CABCOCO1: variants seen among roughly 807,000 people sequenced by gnomAD.
CABCOCO1 encodes the protein ciliary-associated calcium-binding coiled-coil protein 1.
A neutral mutation model predicts 35.7 loss-of-function variants in CABCOCO1; 28 were observed. The observed-to-expected ratio is 0.78, with a 90% CI of 0.58 to 1.07. The LOEUF (loss-of-function observed/expected upper bound fraction) is 1.07. Ranked by LOEUF, CABCOCO1 falls within the 50% of genes least tolerant of loss-of-function variation. The probability of loss-of-function intolerance (pLI) is 0.00; values close to 1 mark genes in which losing one functional copy is unlikely to be tolerated. For synonymous variants in CABCOCO1, 95 were observed against 100.1 expected, an observed-to-expected ratio of 0.95 and a Z score of 0.30; for missense variants, 326 against 309.2, an observed-to-expected ratio of 1.05 and a Z score of -0.41.
At chr10:61,669,710 G>C (rs1206884844) in intron 1 of CABCOCO1, among the ~76,000 whole-genome samples, 5 of 151,994 alleles carry the variant, frequency 3.3e-5, no homozygotes, top group East Asian at 3.8e-4. Flanking sequence ...CTAATATTAG[G>C]CATCTTAGCT....
chr10:61,749,454 T>C (rs1318358440), intron 5 of CABCOCO1, among the ~76,000 whole-genome samples: 1 of 152,258 alleles, frequency 6.6e-6, no homozygotes, highest in Non-Finnish European at 1.5e-5. Flanking sequence ...CAATGCTTTT[T>C]ATATCTTGCC....
At chr10:61,744,898 T>C (rs1841624115) in intron 5 of CABCOCO1, among the ~76,000 whole-genome samples, 1 of 152,200 alleles carries the variant, frequency 6.6e-6, no homozygotes, top group Admixed American at 6.6e-5. Flanking sequence ...GTGAAATGTA[T>C]GAGTTCGTTT....
At chr10:61,679,735 C>T (rs1043398841) in intron 2 of CABCOCO1, among the ~76,000 whole-genome samples, 6 of 151,894 alleles carry the variant, frequency 4.0e-5, no homozygotes, top group African/African-American at 1.5e-4. Context: ...AGGAGAGGAA[C>T]AGGAAAGAGA....
chr10:61,747,248 A>C (rs533068599), intron 5 of CABCOCO1, among the ~76,000 whole-genome samples: 1 of 152,270 alleles, frequency 6.6e-6, no homozygotes, highest in African/African-American at 2.4e-5. Context: ...TAGATAAAGA[A>C]TTGGTGTGGT....
chr10:61,675,560 A>G (rs977496329), intron 2 of CABCOCO1, among the ~76,000 whole-genome samples: 3 of 152,260 alleles, frequency 2.0e-5, no homozygotes, highest in Non-Finnish European at 2.9e-5. Flanking sequence ...AAAAATAAAA[A>G]GCAAAGAACA....
At chr10:61,679,866 A>G (rs574898331) in intron 2 of CABCOCO1, among the ~76,000 whole-genome samples, 8 of 152,268 alleles carry the variant, frequency 5.3e-5, no homozygotes, top group Admixed American at 1.3e-4. Context: ...ACAGAGATAT[A>G]AAAGCTCAAG....
chr10:61,664,380 G>C (rs1367467232), intron 1 of CABCOCO1, among the ~76,000 whole-genome samples: 1 of 152,018 alleles, frequency 6.6e-6, no homozygotes, highest in African/African-American at 2.4e-5. Context: ...TGATCATTTG[G>C]GGGTTTTAAT....
At chr10:61,690,793 G>A (rs1840115253) in intron 5 of CABCOCO1, among the ~76,000 whole-genome samples, 172 bp downstream of exon 5, 1 of 152,034 alleles carries the variant, frequency 6.6e-6, no homozygotes, top group Admixed American at 6.6e-5. Context: ...CGTTGCATTA[G>A]GAAAATAAGT....
At chr10:61,682,909 C>T (rs1262954612) in intron 3 of CABCOCO1, among the ~76,000 whole-genome samples, 1 of 20,750 alleles carries the variant, frequency 4.8e-5, no homozygotes, top group African/African-American at 1.2e-4. Flanking sequence ...TTTTTTAAGA[C>T]AGATTGTCAC....
intron 5 of CABCOCO1, among the ~76,000 whole-genome samples, chr10:61,725,201 C>T (rs990520368): frequency 1.3e-5 from 2 of 152,138 alleles, no homozygotes; most frequent in African/African-American, 4.8e-5. Context: ...GACAGTGTGG[C>T]AATTCCTCAA....
intron 3 of CABCOCO1, among the ~76,000 whole-genome samples, chr10:61,684,647 A>G (rs3750727): frequency 0.24 from 36,168 of 151,920 alleles, 4,538 homozygotes; most frequent in African/African-American, 0.31. Flanking sequence ...CAGGCCCCCC[A>G]CTGACATTCA....
chr10:61,722,783 C>T (rs1436163815), intron 5 of CABCOCO1, among the ~76,000 whole-genome samples: 1 of 151,650 alleles, frequency 6.6e-6, no homozygotes, highest in African/African-American at 2.4e-5. Flanking sequence ...GCAGCAATGG[C>T]CATAGATCAC....
chr10:61,666,982 T>C (rs976576521), intron 1 of CABCOCO1, among the ~76,000 whole-genome samples: 2 of 142,216 alleles, frequency 1.4e-5, no homozygotes, highest in African/African-American at 5.1e-5. Context: ...TATATATAAA[T>C]ATAATTATAT....
chr10:61,758,901 C>T (rs1206747686), intron 5 of CABCOCO1, among the ~76,000 whole-genome samples: 1 of 152,018 alleles, frequency 6.6e-6, no homozygotes, highest in Non-Finnish European at 1.5e-5. Context: ...CAGCGCATTT[C>T]AAAACTTATC....
chr10:61,746,512 C>T (rs1447024012), intron 5 of CABCOCO1, among the ~76,000 whole-genome samples: 1 of 152,140 alleles, frequency 6.6e-6, no homozygotes, highest in East Asian at 1.9e-4. Context: ...TATGAGTGTA[C>T]AGTGTCAACC....
intron 2 of CABCOCO1, 102 bp from the exon 3 acceptor site, chr10:61,681,041 G>T (rs1839775548): frequency 1.8e-6 from 1 of 545,908 alleles, no homozygotes. Context: ...AATATTTTCA[G>T]ATTATGGGCA....
intron 5 of CABCOCO1, among the ~76,000 whole-genome samples, chr10:61,719,103 C>T (rs996100416): frequency 1.3e-5 from 2 of 152,282 alleles, no homozygotes; most frequent in South Asian, 4.1e-4. Context: ...ATATCATTTG[C>T]TTCTGAATGC....
chr10:61,761,073 T>C, intron 7 of CABCOCO1, 70 bp downstream of exon 7: 1 of 1,503,746 alleles, frequency 6.7e-7, no homozygotes, highest in Non-Finnish European at 9.1e-7. Flanking sequence ...CTTTAATGTC[T>C]ATAAACACTC....
At chr10:61,688,556 T>C (rs1477631279) in intron 4 of CABCOCO1, among the ~76,000 whole-genome samples, 1 of 152,184 alleles carries the variant, frequency 6.6e-6, no homozygotes, top group East Asian at 1.9e-4. Flanking sequence ...CTTTTTAGTA[T>C]AAAACATCAT....
Sources: allele counts gnomAD v4.1 joint callset (sites outside exome capture counted in the v4.1 genomes callset), GRCh38; gene constraint gnomAD v4.1.1; transcripts MANE v1.5; gene names NCBI Gene and HGNC (gene_info 2026-07-23, HGNC 2026-07-21).